VNN1: variants seen among roughly 807,000 people sequenced by gnomAD.
VNN1 encodes the protein pantetheinase.
In VNN1, 29 loss-of-function variants were observed where a neutral mutation model predicts 41.9. The ratio of observed to expected loss-of-function variants is 0.69; its 90% CI spans 0.52 to 0.94. The LOEUF (loss-of-function observed/expected upper bound fraction) is 0.94, where lower values mean the gene tolerates loss of function less well. Ranked by LOEUF, VNN1 falls within the 40% of genes least tolerant of loss-of-function variation. The pLI is 0.00. For missense variants in VNN1, 637 were observed against 621.1 expected (o/e 1.03, Z -0.27); for synonymous variants, 233 against 224.4 (o/e 1.04, Z -0.34).
In VNN1 at chr6:132,711,842, G is replaced by A; in HGVS notation, c.211-3C>T. The A allele has an allele frequency of 1.9e-6, 3 of 1,612,380 alleles. No individual in the cohort carries two copies. The highest frequency in any genetic ancestry group is 2.5e-6 in the Non-Finnish European group (3 of 1,179,194). The stretch of plus-strand genomic sequence containing the variant: ...GGAGTCACAATAATATGCGCACCCT[G>A]TTAAAAATGCAACTTAATCCAAAGG... On this transcript the variant is annotated splice_polypyrimidine_tract_variant and splice_region_variant and intron_variant, in intron 1 of 6. Transcript: ENST00000367928.
At chr6:132,711,927 C>T in intron 1 of VNN1, 88 bp from the exon 2 acceptor site, 1 of 1,338,018 alleles carries the variant, frequency 7.5e-7, no homozygotes, top group Non-Finnish European at 1.0e-6. Context: ...TGGGCTTCCC[C>T]CACACCCCTT....
intron 2 of VNN1, among the ~76,000 whole-genome samples, chr6:132,698,023 A>G (rs1221179748): frequency 6.6e-6 from 1 of 152,236 alleles, no homozygotes; most frequent in African/African-American, 2.4e-5. Flanking sequence ...GTATTCTAAT[A>G]TATTTCAATT....
intron 2 of VNN1, among the ~76,000 whole-genome samples, chr6:132,705,012 C>CAAA (rs1187103642): frequency 6.6e-6 from 1 of 151,962 alleles, no homozygotes; most frequent in East Asian, 1.9e-4. Context: ...AGACAGATAA[C>CAAA]AAATAATAAG....
chr6:132,686,941 A>G lies in VNN1; in HGVS notation c.1189-2436T>C, dbSNP rs1363113344. On this transcript the variant is annotated intron_variant, in intron 5 of 6. Transcript: ENST00000367928. ...AAGAACATGTTAACAAAAATAAAAGATTCAGTACAAGATTTGGAAGATCAA... is the reference window on the plus strand; with the variant it reads ...AAGAACATGTTAACAAAAATAAAAGGTTCAGTACAAGATTTGGAAGATCAA... Among the ~76,000 whole-genome samples the G allele has an allele frequency of 2.0e-5, 3 of 152,144 alleles. 1 individual carries two copies. The highest frequency in any genetic ancestry group is 2.0e-4 in the Admixed American group (3 of 15,278).
chr6:132,692,517 T>C lies in VNN1; in HGVS notation c.894A>G (p.Lys298=). The change falls in exon 5 of 7, where the codon AAA becomes AAG. Residue 298 remains lysine (K), a synonymous_variant. Transcript: ENST00000367928. ...GGGAATCCAGTTGCGAGAGGAGGAG[T>C]TTTCCCTCTTCTGTCTTCATATCAT... ...FHYDMKTEEG[K]LLLSQLDSHP... is the part of the protein sequence containing the mutation. 1 of 1,611,768 alleles carries C rather than the reference T, an allele frequency of 6.2e-7. No individual in the cohort carries two copies. The highest frequency in any genetic ancestry group is 8.5e-7 in the Non-Finnish European group (1 of 1,179,918).
Position 132,692,545 on chromosome 6 carries a change from T to G in VNN1, c.866A>C (p.His289Pro). The G allele has an allele frequency of 6.2e-7, 1 of 1,602,484 alleles. No homozygotes were observed. The highest frequency in any genetic ancestry group is 8.5e-7 in the Non-Finnish European group (1 of 1,177,896). The change falls in exon 5 of 7, where the codon CAT becomes CCT. Residue 289 changes from histidine to proline, a missense_variant. Coordinates refer to ENST00000367928, the MANE Select transcript of VNN1 (RefSeq NM_004666.3). The part of the protein sequence containing the change: ...IYAPNSSRAF[H>P]YDMKTEEGKL... Reference sequence around the variant, plus strand: ...TCCCTCTTCTGTCTTCATATCATAATGAAATGCTCTTGAAGAATTGGGTGC... The same window carrying G: ...TCCCTCTTCTGTCTTCATATCATAAGGAAATGCTCTTGAAGAATTGGGTGC...
chr6:132,700,054 T>C (rs1364901504), intron 2 of VNN1, among the ~76,000 whole-genome samples: 3 of 152,184 alleles, frequency 2.0e-5, no homozygotes, highest in South Asian at 2.1e-4. Context: ...AGTAAGACAA[T>C]AGGGACAAAA....
At position 132,693,898 on chromosome 6, in the gene VNN1, T is replaced by C. The variant is rs920380584; in HGVS notation, c.534+92A>G. The C allele has an allele frequency of 1.7e-5, 24 of 1,433,686 alleles. No individual in the cohort carries two copies. The African/African-American group carries it at 2.8e-4, about 17-fold the overall frequency. The allele number at this position is 1,433,686 out of a possible 1,614,324, so 88.8% of individuals were successfully genotyped here. Reference sequence around the variant, plus strand: ...CTTTGCCCCTACTCGATTTCTAAAGTGTGCTTATCATTATCAATAACATAT... The same window carrying C: ...CTTTGCCCCTACTCGATTTCTAAAGCGTGCTTATCATTATCAATAACATAT... On this transcript the variant is annotated intron_variant, in intron 3 of 6. Transcript: ENST00000367928.
chr6:132,702,305 G>A lies in VNN1; in HGVS notation c.342-8123C>T, dbSNP rs1482161207. Reference sequence around the variant, plus strand: ...GGAATCTAGGTTGCATGTTCCTTATGAGAATTTAACTAATGCCTGATGATC... The same window carrying A: ...GGAATCTAGGTTGCATGTTCCTTATAAGAATTTAACTAATGCCTGATGATC... On this transcript the variant is annotated intron_variant, in intron 2 of 6. Coordinates refer to ENST00000367928, the MANE Select transcript of VNN1 (RefSeq NM_004666.3). Among the ~76,000 whole-genome samples, 6 of 152,190 alleles carry A rather than the reference G, an allele frequency of 3.9e-5. No individual in the cohort carries two copies. The East Asian group carries it at 9.6e-4, about 24-fold the overall frequency.
At chr6:132,710,242 G>C (rs2114376002) in intron 2 of VNN1, among the ~76,000 whole-genome samples, 1 of 152,164 alleles carries the variant, frequency 6.6e-6, no homozygotes, top group South Asian at 2.1e-4. Flanking sequence ...TAGAGATGGG[G>C]TTTTGCCAAA....
intron 2 of VNN1, among the ~76,000 whole-genome samples, chr6:132,705,755 A>G (rs967842977): frequency 7.9e-5 from 12 of 152,188 alleles, no homozygotes; most frequent in African/African-American, 2.9e-4. Flanking sequence ...ATTATCTTAT[A>G]CTTGGAAAAC....
At chr6:132,686,046 A>G (rs1475499083) in intron 5 of VNN1, among the ~76,000 whole-genome samples, 2 of 152,194 alleles carry the variant, frequency 1.3e-5, no homozygotes, top group African/African-American at 2.4e-5. Context: ...GGTAAAACAC[A>G]GGACAAGACT....
chr6:132,695,302 GCAACTTC>G (rs1231052961), intron 2 of VNN1, among the ~76,000 whole-genome samples: 1 of 152,118 alleles, frequency 6.6e-6, no homozygotes, highest in Non-Finnish European at 1.5e-5. Context: ...TCTAGTGCTT[GCAACTTC>G]CAGAAGAATG....
intron 2 of VNN1, among the ~76,000 whole-genome samples, chr6:132,710,449 T>G (rs1778583134): frequency 6.6e-6 from 1 of 152,114 alleles, no homozygotes; most frequent in Admixed American, 6.6e-5. Context: ...GGTATACACG[T>G]GCCATGGTGG....
In VNN1 at chr6:132,683,402, A is replaced by T. The variant is rs559304050; in HGVS notation, c.1360-80T>A. On this transcript the variant is annotated intron_variant, in intron 6 of 6. Coordinates refer to ENST00000367928, the MANE Select transcript of VNN1 (RefSeq NM_004666.3). ...AATCACTTTTAAAATTTACTATAAC[A>T]GAATGAAGAAACAAAAATACTGGCC... 6.7e-5 allele frequency: 94 copies of T among 1,401,838 alleles called. No homozygotes were observed. In the Middle Eastern group the frequency reaches 2.5e-3, roughly 37 times the overall value. The allele number at this position is 1,401,838 out of a possible 1,614,324, so 86.8% of individuals were successfully genotyped here.
intron 5 of VNN1, among the ~76,000 whole-genome samples, chr6:132,691,561 G>T (rs1356399778): frequency 6.6e-6 from 1 of 152,086 alleles, no homozygotes; most frequent in African/African-American, 2.4e-5. Flanking sequence ...ATTTGTTCAG[G>T]CAGGAAATAA....
intron 2 of VNN1, among the ~76,000 whole-genome samples, chr6:132,700,265 T>C (rs1778431736): frequency 6.6e-6 from 1 of 152,134 alleles, no homozygotes; most frequent in South Asian, 2.1e-4. Flanking sequence ...AGTTATATGC[T>C]TGGTCACTGC....
At chr6:132,709,347 A>G (rs2114374344) in intron 2 of VNN1, among the ~76,000 whole-genome samples, 1 of 152,264 alleles carries the variant, frequency 6.6e-6, no homozygotes, top group Middle Eastern at 3.4e-3. Flanking sequence ...GTTTAGACAT[A>G]ATAGGTACTC....
At chr6:132,695,235 C>T (rs966324017) in intron 2 of VNN1, among the ~76,000 whole-genome samples, 1 of 152,128 alleles carries the variant, frequency 6.6e-6, no homozygotes, top group Non-Finnish European at 1.5e-5. Context: ...GAATTTTTCT[C>T]CCCACCTAGA....
Sources: allele counts gnomAD v4.1 joint callset (sites outside exome capture counted in the v4.1 genomes callset), GRCh38; gene constraint gnomAD v4.1.1; transcripts MANE v1.5; gene names NCBI Gene and HGNC (gene_info 2026-07-23, HGNC 2026-07-21).